The following NEXMIF variants were observed in gnomAD, a reference collection of about 807,000 sequenced individuals.
NEXMIF encodes the protein neurite extension and migration factor.
In NEXMIF, 8 loss-of-function variants were observed where a neutral mutation model predicts 62.1. The observed-to-expected ratio is 0.13, with a 90% CI of 0.08 to 0.23. The LOEUF (loss-of-function observed/expected upper bound fraction) is 0.23, where lower values mean the gene tolerates loss of function less well. Among genes scored for constraint, NEXMIF ranks in the 10% least tolerant of loss-of-function variants. The pLI is 1.00. For missense variants in NEXMIF, 976 were observed against 1,113.3 expected (o/e 0.88, Z 1.75); for synonymous variants, 404 against 416.6 (o/e 0.97, Z 0.37).
chrX:74,734,787 G>C lies in NEXMIF; in HGVS notation c.*4618C>G, dbSNP rs764406819. On this transcript the variant is annotated 3_prime_UTR_variant, in exon 4 of 4. Transcript: ENST00000055682. ...TCTCAAGTATGTAGCTGCAATGGGA[G>C]CTCTGCTTCACGACTGTAGCTAGTG... The C allele has an allele frequency of 8.9e-6, 1 of 112,181 alleles. No homozygotes were observed. Among genetic ancestry groups the C allele is most frequent in the South Asian group, 3.8e-4 (1 of 2,652 alleles). The allele number at this position is 112,181 out of a possible 1,213,427, so 9.2% of individuals were successfully genotyped here. A position where few individuals can be genotyped will look rare whatever the true frequency, so the allele number is the denominator to read the frequency against.
chrX:74,904,382 C>A (rs1038931564), intron 1 of NEXMIF, among the ~76,000 whole-genome samples: 2 of 112,155 alleles, frequency 1.8e-5, no homozygotes, highest in Non-Finnish European at 3.8e-5. Context: ...TTCCTCTCTA[C>A]ACAATTCCCT....
At chrX:74,752,641 C>T (rs1374268942) in intron 1 of NEXMIF, among the ~76,000 whole-genome samples, 1 of 111,335 alleles carries the variant, frequency 9.0e-6, no homozygotes, top group Non-Finnish European at 1.9e-5. Context: ...TTCATTAAGA[C>T]TGGAATTAGG....
intron 1 of NEXMIF, among the ~76,000 whole-genome samples, chrX:74,794,520 G>C (rs896588409): frequency 1.2e-4 from 13 of 112,009 alleles, no homozygotes; most frequent in African/African-American, 2.9e-4. Context: ...CGAGCTTCCC[G>C]GCTGCTTTGT....
rs773592107 is a variant in NEXMIF, at chrX:74,906,833, A to T, written c.-48+18050T>A. Among the ~76,000 whole-genome samples, 3 of 111,204 alleles carry T rather than the reference A, an allele frequency of 2.7e-5. No individual in the cohort carries two copies. In the South Asian group the frequency reaches 1.1e-3, roughly 42 times the overall value. ...AATCCCTGTCACAGTCATAAATGCC[A>T]TGTTTATCCTCCAACTCCAAAGAAA... is the stretch of plus-strand genomic sequence containing the variant. On this transcript the variant is annotated intron_variant, in intron 1 of 3. Coordinates refer to ENST00000055682, the MANE Select transcript of NEXMIF (RefSeq NM_001008537.3).
chrX:74,796,282 AT>A (rs1243375221), intron 1 of NEXMIF, among the ~76,000 whole-genome samples: 3 of 24,498 alleles, frequency 1.2e-4, no homozygotes, highest in African/African-American at 3.0e-4. Flanking sequence ...ATACATATAT[AT>A]TATATATATT....
At chrX:74,854,852 T>C (rs898092467) in intron 1 of NEXMIF, among the ~76,000 whole-genome samples, 2 of 111,544 alleles carry the variant, frequency 1.8e-5, no homozygotes, top group Non-Finnish European at 3.8e-5. Context: ...AGTATTATAT[T>C]TAACCAAGGA....
chrX:74,852,132 T>C (rs2080516681), intron 1 of NEXMIF, among the ~76,000 whole-genome samples: 1 of 110,653 alleles, frequency 9.0e-6, no homozygotes, highest in Admixed American at 9.6e-5. Flanking sequence ...AGATATTCCA[T>C]GCAAATTGAA....
At chrX:74,871,066 C>T (rs1334702113) in intron 1 of NEXMIF, among the ~76,000 whole-genome samples, 2 of 111,990 alleles carry the variant, frequency 1.8e-5, no homozygotes, top group African/African-American at 3.2e-5. Flanking sequence ...TGGATGCAAC[C>T]TACCTGTCCA....
chrX:74,885,420 A>T (rs1365205088), intron 1 of NEXMIF, among the ~76,000 whole-genome samples: 1 of 111,874 alleles, frequency 8.9e-6, no homozygotes, highest in Non-Finnish European at 1.9e-5. Context: ...AAAGAAGAAA[A>T]GGGAGAAGAA....
intron 1 of NEXMIF, among the ~76,000 whole-genome samples, chrX:74,796,182 CAT>C (rs1365320435): frequency 4.5e-4 from 26 of 58,387 alleles, no homozygotes; most frequent in East Asian, 4.3e-3. Context: ...TATATATATA[CAT>C]ATATATTATA....
chrX:74,855,948 A>T (rs1456427718), intron 1 of NEXMIF, among the ~76,000 whole-genome samples: 1 of 112,421 alleles, frequency 8.9e-6, no homozygotes, highest in Non-Finnish European at 1.9e-5. Context: ...GGGAGATAGG[A>T]AAAGAATCTG....
chrX:74,915,567 T>C (rs886606704), intron 1 of NEXMIF, among the ~76,000 whole-genome samples: 2 of 112,215 alleles, frequency 1.8e-5, no homozygotes, highest in Admixed American at 9.5e-5. Flanking sequence ...AAATTGCAGA[T>C]AGAATTATGG....
chrX:74,920,723 A>T (rs991575556), intron 1 of NEXMIF, among the ~76,000 whole-genome samples: 1 of 111,789 alleles, frequency 8.9e-6, no homozygotes, highest in Admixed American at 9.5e-5. Flanking sequence ...CTGAATGGTA[A>T]TGCCTAGGTT....
chrX:74,888,976 C>T (rs2080707737), intron 1 of NEXMIF, among the ~76,000 whole-genome samples: 1 of 111,891 alleles, frequency 8.9e-6, no homozygotes, highest in Non-Finnish European at 1.9e-5. Flanking sequence ...CCTTAGTTAG[C>T]TATATGGCCT....
At chrX:74,804,622 G>C (rs2080339426) in intron 1 of NEXMIF, among the ~76,000 whole-genome samples, 1 of 111,867 alleles carries the variant, frequency 8.9e-6, no homozygotes, top group Non-Finnish European at 1.9e-5. Context: ...TGGTATCCAA[G>C]ATGCTAGACA....
chrX:74,764,132 G>A (rs1035075569), intron 1 of NEXMIF, among the ~76,000 whole-genome samples: 2 of 111,509 alleles, frequency 1.8e-5, no homozygotes, highest in African/African-American at 6.5e-5. Context: ...ATTATTTTGA[G>A]ATATGTCCCA....
chrX:74,882,760 G>A (rs2080671115), intron 1 of NEXMIF, among the ~76,000 whole-genome samples: 1 of 112,388 alleles, frequency 8.9e-6, no homozygotes, highest in Non-Finnish European at 1.9e-5. Context: ...AACCTCTGCA[G>A]ACTTAAATGT....
At chrX:74,888,985 C>G (rs767777256) in intron 1 of NEXMIF, among the ~76,000 whole-genome samples, 5 of 111,896 alleles carry the variant, frequency 4.5e-5, no homozygotes, top group Non-Finnish European at 9.4e-5. Flanking sequence ...GCTATATGGC[C>G]TTGAGCTAGA....
chrX:74,791,962 G>C (rs768776584), intron 1 of NEXMIF, among the ~76,000 whole-genome samples: 2 of 111,128 alleles, frequency 1.8e-5, no homozygotes, highest in South Asian at 7.6e-4. Context: ...GGTTGTTTGT[G>C]TCTCTATTTC....
Sources: allele counts gnomAD v4.1 joint callset (sites outside exome capture counted in the v4.1 genomes callset), GRCh38; gene constraint gnomAD v4.1.1; transcripts MANE v1.5; gene names NCBI Gene and HGNC (gene_info 2026-07-23, HGNC 2026-07-21).